SYNPR: variants seen among roughly 807,000 people sequenced by gnomAD.
SYNPR encodes the protein synaptoporin.
A neutral mutation model predicts 32.9 loss-of-function variants in SYNPR; 23 were observed. The observed-to-expected ratio is 0.70, with a 90% CI of 0.50 to 0.99. The LOEUF (loss-of-function observed/expected upper bound fraction) is 0.99, where lower values mean the gene tolerates loss of function less well. Ranked by LOEUF, SYNPR falls within the 50% of genes least tolerant of loss-of-function variation. The pLI, the probability that SYNPR is intolerant of heterozygous loss-of-function variation, is 0.00. For missense variants in SYNPR, 318 were observed against 349.3 expected (o/e 0.91, Z 0.71); for synonymous variants, 146 against 135.9 (o/e 1.07, Z -0.52).
At chr3:63,368,978 G>C (rs9877594) in intron 2 of SYNPR, among the ~76,000 whole-genome samples, 7,757 of 152,228 alleles carry the variant, frequency 0.051, 611 homozygotes, top group African/African-American at 0.17. Context: ...CTCATGGTCT[G>C]TGTTATGAGC....
intron 2 of SYNPR, among the ~76,000 whole-genome samples, chr3:63,264,924 C>A (rs2086470546): frequency 1.8e-5 from 1 of 55,060 alleles, no homozygotes; most frequent in Admixed American, 2.0e-4. Context: ...TTCTCAGAAT[C>A]ATGGGGGAGC....
intron 2 of SYNPR, among the ~76,000 whole-genome samples, chr3:63,359,256 A>C (rs758770155): frequency 2.0e-4 from 30 of 152,150 alleles, no homozygotes; most frequent in Non-Finnish European, 3.2e-4. Flanking sequence ...TCATGTAGAT[A>C]AATCTGACCA....
At chr3:63,587,312 CCT>C (rs1205922777) in intron 4 of SYNPR, among the ~76,000 whole-genome samples, 3 of 152,044 alleles carry the variant, frequency 2.0e-5, no homozygotes, top group African/African-American at 7.2e-5. Context: ...TCACAACGAC[CCT>C]GTAAGGGAAG....
chr3:63,341,740 C>A (rs1435463410), intron 2 of SYNPR, among the ~76,000 whole-genome samples: 1 of 152,102 alleles, frequency 6.6e-6, no homozygotes, highest in Non-Finnish European at 1.5e-5. Flanking sequence ...ATCTTGGATA[C>A]AAGTCATTTA....
At chr3:63,562,964 G>C (rs1370317875) in intron 4 of SYNPR, among the ~76,000 whole-genome samples, 1 of 152,174 alleles carries the variant, frequency 6.6e-6, no homozygotes. Context: ...TGCCTGAAAA[G>C]CACTTTACAC....
intron 2 of SYNPR, among the ~76,000 whole-genome samples, chr3:63,262,355 A>G (rs1315007434): frequency 6.6e-6 from 1 of 152,196 alleles, no homozygotes; most frequent in Non-Finnish European, 1.5e-5. Context: ...TTGAGAGACA[A>G]AAAGAATCAT....
chr3:63,400,276 T>C (rs1314173438), intron 2 of SYNPR, among the ~76,000 whole-genome samples: 1 of 152,126 alleles, frequency 6.6e-6, no homozygotes, highest in Non-Finnish European at 1.5e-5. Flanking sequence ...AAAACAGCAA[T>C]AGACATTTAT....
At chr3:63,348,063 G>A (rs1231510588) in intron 2 of SYNPR, among the ~76,000 whole-genome samples, 2 of 152,110 alleles carry the variant, frequency 1.3e-5, no homozygotes, top group Non-Finnish European at 2.9e-5. Context: ...TTCAATTGCT[G>A]GATTGAATGG....
chr3:63,254,268 T>A, intron 2 of SYNPR, among the ~76,000 whole-genome samples: 1 of 152,076 alleles, frequency 6.6e-6, no homozygotes, highest in Non-Finnish European at 1.5e-5. Flanking sequence ...TGTATACATA[T>A]GTAACAAACC....
intron 2 of SYNPR, among the ~76,000 whole-genome samples, chr3:63,380,712 G>A (rs1254663046): frequency 6.6e-6 from 1 of 152,118 alleles, no homozygotes; most frequent in African/African-American, 2.4e-5. Flanking sequence ...CCATGATCAA[G>A]TGGGCTTCAT....
chr3:63,559,779 C>T (rs1702654620), intron 4 of SYNPR, among the ~76,000 whole-genome samples: 1 of 150,570 alleles, frequency 6.6e-6, no homozygotes, highest in Non-Finnish European at 1.5e-5. Flanking sequence ...AGTCACCAAA[C>T]TTGGGCTTAT....
At chr3:63,595,505 TCTC>T in intron 4 of SYNPR, among the ~76,000 whole-genome samples, 1 of 151,222 alleles carries the variant, frequency 6.6e-6, no homozygotes, top group East Asian at 2.0e-4. Context: ...GAGGGACTGG[TCTC>T]CTGGGACCAA....
In SYNPR at chr3:63,232,749, C is replaced by G. The variant is rs187137901; in HGVS notation, n.66+4369C>G. ...AATGGGCTCAGTTATCTTTAACATC[C>G]TATAATTGCTGTCATCACCCAGAAT... On this transcript the variant is annotated intron_variant and non_coding_transcript_variant, in intron 1 of 4. Coordinates refer to the SYNPR transcript ENST00000478456. 4.1e-3 allele frequency among the ~76,000 whole-genome samples: 622 copies of G among 152,178 alleles called. 1 individual carries two copies. The highest frequency in any genetic ancestry group is 7.1e-3 in the Non-Finnish European group (481 of 68,006).
intron 2 of SYNPR, among the ~76,000 whole-genome samples, chr3:63,395,296 CT>C (rs1417707157): frequency 3.9e-5 from 6 of 152,260 alleles, no homozygotes; most frequent in East Asian, 3.9e-4. Flanking sequence ...TATAAGAAAT[CT>C]TGAGAAGTAG....
intron 2 of SYNPR, among the ~76,000 whole-genome samples, chr3:63,421,786 G>A (rs781673624): frequency 1.3e-5 from 2 of 152,166 alleles, no homozygotes; most frequent in Non-Finnish European, 2.9e-5. Flanking sequence ...CTTTACAGCT[G>A]GAGGACTGAG....
At chr3:63,344,050 T>C (rs2087406160) in intron 2 of SYNPR, among the ~76,000 whole-genome samples, 1 of 152,262 alleles carries the variant, frequency 6.6e-6, no homozygotes, top group Non-Finnish European at 1.5e-5. Flanking sequence ...CAGAGGCGGT[T>C]CATTTGCAAT....
chr3:63,567,577 TAATACTCACA>T (rs1029062728), intron 4 of SYNPR, among the ~76,000 whole-genome samples: 1 of 152,228 alleles, frequency 6.6e-6, no homozygotes, highest in African/African-American at 2.4e-5. Context: ...TGTCTTGCTC[TAATACTCACA>T]GTTCATTAGA....
At chr3:63,525,404 T>A (rs929453458) in intron 3 of SYNPR, among the ~76,000 whole-genome samples, 4 of 152,144 alleles carry the variant, frequency 2.6e-5, no homozygotes, top group Non-Finnish European at 4.4e-5. Context: ...TATTTCAGTA[T>A]TTTTGCAATG....
intron 2 of SYNPR, among the ~76,000 whole-genome samples, chr3:63,445,184 C>G (rs1225424917): frequency 1.3e-5 from 2 of 152,158 alleles, no homozygotes; most frequent in African/African-American, 2.4e-5. Context: ...AGCTTATCAT[C>G]ATCTGAAGCT....
Sources: allele counts gnomAD v4.1 joint callset (sites outside exome capture counted in the v4.1 genomes callset), GRCh38; gene constraint gnomAD v4.1.1; transcripts MANE v1.5; gene names NCBI Gene and HGNC (gene_info 2026-07-23, HGNC 2026-07-21).